The following SUGCT variants were observed in gnomAD, a reference collection of about 807,000 sequenced individuals.
SUGCT encodes succinyl-CoA:glutarate-CoA transferase, also known as succinyl-CoA:glutarate CoA-transferase.
A neutral mutation model predicts 55.0 loss-of-function variants in SUGCT; 41 were observed. The observed-to-expected ratio is 0.74, with a 90% confidence interval of 0.58 to 0.97. The LOEUF (loss-of-function observed/expected upper bound fraction) is 0.97. Ranked by LOEUF, SUGCT falls within the 50% of genes least tolerant of loss-of-function variation. The probability of loss-of-function intolerance (pLI) is 0.00; values close to 1 mark genes in which losing one functional copy is unlikely to be tolerated. For missense variants in SUGCT, 568 were observed against 547.8 expected (o/e 1.04, Z -0.37); for synonymous variants, 187 against 200.4 (o/e 0.93, Z 0.56).
chr7:40,421,512 G>T (rs1379185522), intron 9 of SUGCT, among the ~76,000 whole-genome samples: 1 of 152,094 alleles, frequency 6.6e-6, no homozygotes, highest in East Asian at 1.9e-4. Context: ...TGAATTCCAT[G>T]AGCTTCTTGA....
the SUGCT span, among the ~76,000 whole-genome samples, chr7:41,013,120 C>A: frequency 6.6e-6 from 1 of 151,118 alleles, no homozygotes; most frequent in Non-Finnish European, 1.5e-5. Flanking sequence ...AAGTTTTGTC[C>A]CACACACTCT....
At chr7:40,673,853 G>A (rs1316541034) in intron 12 of SUGCT, among the ~76,000 whole-genome samples, 3 of 152,116 alleles carry the variant, frequency 2.0e-5, no homozygotes, top group African/African-American at 7.2e-5. Context: ...TACTGTTGGA[G>A]ATCAATAATT....
downstream of SUGCT, among the ~76,000 whole-genome samples, chr7:40,865,408 G>A (rs185970546): frequency 9.9e-4 from 151 of 152,236 alleles, no homozygotes; most frequent in Non-Finnish European, 1.8e-3. Context: ...GCCACTTCTT[G>A]TCCCTTGAAA....
chr7:40,468,694 T>C (rs1192959026), intron 11 of SUGCT, among the ~76,000 whole-genome samples: 2 of 152,128 alleles, frequency 1.3e-5, no homozygotes, highest in African/African-American at 4.8e-5. Context: ...GTTTGCTGAT[T>C]TCAGAGGTTT....
intron 12 of SUGCT, among the ~76,000 whole-genome samples, chr7:40,748,254 G>A (rs1018095979): frequency 6.6e-6 from 1 of 152,038 alleles, no homozygotes; most frequent in Non-Finnish European, 1.5e-5. Context: ...TAAAGATTGG[G>A]TTTAGAATAA....
intron 2 of SUGCT, among the ~76,000 whole-genome samples, chr7:40,181,337 G>A (rs886254652): frequency 1.3e-5 from 2 of 151,802 alleles, no homozygotes; most frequent in Non-Finnish European, 2.9e-5. Context: ...TTAATATATC[G>A]ATGTCACATA....
chr7:40,396,989 T>C (rs1166454172), intron 9 of SUGCT, among the ~76,000 whole-genome samples: 1 of 152,202 alleles, frequency 6.6e-6, no homozygotes, highest in Non-Finnish European at 1.5e-5. Context: ...ATGTAAAATA[T>C]GAATACTATA....
At chr7:40,980,113 G>A in the SUGCT span, among the ~76,000 whole-genome samples, 3 of 152,146 alleles carry the variant, frequency 2.0e-5, no homozygotes, top group African/African-American at 7.2e-5. Flanking sequence ...CCAAATTGCT[G>A]TGTCCTTACA....
At chr7:40,867,253 G>GAT in the SUGCT span, among the ~76,000 whole-genome samples, 10 of 149,200 alleles carry the variant, frequency 6.7e-5, no homozygotes, top group African/African-American at 9.8e-5. Flanking sequence ...TATAATATAT[G>GAT]ATATATATAT....
At chr7:40,540,052 T>C (rs1210307007) in intron 12 of SUGCT, among the ~76,000 whole-genome samples, 2 of 152,212 alleles carry the variant, frequency 1.3e-5, no homozygotes, top group Admixed American at 6.5e-5. Context: ...TAGTTGGGAC[T>C]AAAACATAGA....
At chr7:40,251,930 G>C (rs999074037) in intron 7 of SUGCT, among the ~76,000 whole-genome samples, 3 of 147,320 alleles carry the variant, frequency 2.0e-5, no homozygotes, top group African/African-American at 7.6e-5. Context: ...TATGACCTAG[G>C]AAAAATAAAA....
At chr7:40,355,186 A>T (rs1797832238) in intron 9 of SUGCT, among the ~76,000 whole-genome samples, 1 of 152,218 alleles carries the variant, frequency 6.6e-6, no homozygotes, top group African/African-American at 2.4e-5. Context: ...TTCTTGAGCC[A>T]TGGGAAGGAC....
intron 12 of SUGCT, among the ~76,000 whole-genome samples, chr7:40,556,104 A>G (rs549051423): frequency 6.6e-6 from 1 of 152,070 alleles, no homozygotes; most frequent in East Asian, 1.9e-4. Context: ...GATGCAATAC[A>G]TATTGTTTGC....
At chr7:40,603,305 G>C (rs1038309449) in intron 12 of SUGCT, among the ~76,000 whole-genome samples, 3 of 152,184 alleles carry the variant, frequency 2.0e-5, no homozygotes, top group Non-Finnish European at 1.5e-5. Context: ...GATAGCGAAA[G>C]TGCTTTCTTT....
the SUGCT span, among the ~76,000 whole-genome samples, chr7:40,958,557 T>G: frequency 6.6e-6 from 1 of 151,948 alleles, no homozygotes; most frequent in African/African-American, 2.4e-5. Flanking sequence ...AGTTAGCAGT[T>G]CCTGTAACCT....
chr7:40,676,088 G>A (rs758365822), intron 12 of SUGCT, among the ~76,000 whole-genome samples: 7 of 152,078 alleles, frequency 4.6e-5, no homozygotes, highest in African/African-American at 1.7e-4. Context: ...TGTGGGAGCC[G>A]GAAACAGGAG....
intron 12 of SUGCT, among the ~76,000 whole-genome samples, chr7:40,730,020 G>A (rs1282182841): frequency 6.6e-6 from 1 of 152,178 alleles, no homozygotes; most frequent in Non-Finnish European, 1.5e-5. Flanking sequence ...TGCTTGGCTC[G>A]GTCCTGCTAA....
intron 13 of SUGCT, among the ~76,000 whole-genome samples, chr7:40,750,633 C>T (rs1490554703): frequency 1.3e-5 from 2 of 152,044 alleles, no homozygotes; most frequent in African/African-American, 4.8e-5. Flanking sequence ...CAGATAGTGA[C>T]CACTCGCGCA....
chr7:40,376,101 T>A lies in SUGCT; in HGVS notation c.816+59246T>A, dbSNP rs201199032. Among the ~76,000 whole-genome samples the A allele has an allele frequency of 1.7e-4, 26 of 152,332 alleles. No individual in the cohort carries two copies. In the East Asian group the frequency reaches 2.7e-3, roughly 16 times the overall value. ...TCATAATGCTAAATTAGAACATTGA[T>A]TAATTCTTTTAAAAAGTTATAGGAT... On this transcript the variant is annotated intron_variant, in intron 9 of 13. Transcript: ENST00000335693.
Sources: allele counts gnomAD v4.1 joint callset (sites outside exome capture counted in the v4.1 genomes callset), GRCh38; gene constraint gnomAD v4.1.1; transcripts MANE v1.5; gene names NCBI Gene and HGNC (gene_info 2026-07-23, HGNC 2026-07-21).